The following ASIC2 variants were observed in gnomAD, a reference collection of about 807,000 sequenced individuals.
The protein encoded by ASIC2 is acid-sensing ion channel 2.
ASIC2 carries 25 observed loss-of-function variants against 57.3 expected under a neutral mutation model. The observed-to-expected ratio is 0.44, with a 90% CI of 0.32 to 0.61. The LOEUF (loss-of-function observed/expected upper bound fraction) is 0.61, where lower values mean the gene tolerates loss of function less well. Ranked by LOEUF, ASIC2 falls within the 20% of genes least tolerant of loss-of-function variation. The pLI is 0.06. For missense variants in ASIC2, 641 were observed against 738.1 expected (o/e 0.87, Z 1.52); for synonymous variants, 319 against 307.5 (o/e 1.04, Z -0.39).
intron 1 of ASIC2, among the ~76,000 whole-genome samples, chr17:33,836,116 CTT>C (rs747425378): frequency 3.4e-5 from 4 of 116,362 alleles, no homozygotes; most frequent in Admixed American, 1.0e-4. Flanking sequence ...CCTCATACAG[CTT>C]TTTTTTTTTT....
intron 1 of ASIC2, among the ~76,000 whole-genome samples, chr17:33,903,627 T>C (rs1915277459): frequency 6.6e-6 from 1 of 152,234 alleles, no homozygotes; most frequent in African/African-American, 2.4e-5. Flanking sequence ...GCTATTAAAA[T>C]TCTGTGCAAC....
intron 3 of ASIC2, among the ~76,000 whole-genome samples, chr17:33,070,655 G>A (rs1357253097): frequency 6.6e-6 from 1 of 152,066 alleles, no homozygotes; most frequent in Non-Finnish European, 1.5e-5. Flanking sequence ...TACTTTGAAT[G>A]ACAAAAACCA....
chr17:33,057,884 G>A (rs1210020435), intron 3 of ASIC2, among the ~76,000 whole-genome samples: 1 of 152,188 alleles, frequency 6.6e-6, no homozygotes, highest in Non-Finnish European at 1.5e-5. Context: ...GGCATTAGAG[G>A]TGGGGCATTT....
intron 1 of ASIC2, among the ~76,000 whole-genome samples, chr17:33,381,869 T>C (rs760175690): frequency 6.6e-6 from 1 of 152,190 alleles, no homozygotes; most frequent in Non-Finnish European, 1.5e-5. Context: ...AAATATAAAC[T>C]GTACTTTGTT....
rs189890594 is a variant in ASIC2, at chr17:34,143,071, C to G, written c.555+12907G>C. On this transcript the variant is annotated intron_variant, in intron 1 of 9. Transcript: ENST00000359872. ...GAAGAATTAGTGCAGACTGGCAGAGCTGGAAGGTTAGGAGTATCGTAATTA... is the reference window on the plus strand; with the variant it reads ...GAAGAATTAGTGCAGACTGGCAGAGGTGGAAGGTTAGGAGTATCGTAATTA... 3.3e-5 allele frequency: 5 copies of G among 152,292 alleles called. 1 individual carries two copies. The East Asian group carries it at 9.7e-4, about 29-fold the overall frequency. The allele number at this position is 152,292 out of a possible 1,614,324, so 9.4% of individuals were successfully genotyped here.
intron 3 of ASIC2, among the ~76,000 whole-genome samples, chr17:33,030,858 C>T (rs1307509387): frequency 6.6e-6 from 1 of 152,132 alleles, no homozygotes; most frequent in Non-Finnish European, 1.5e-5. Flanking sequence ...CTGGGATAAA[C>T]TCCACTTAGT....
At chr17:33,133,818 G>A (rs2092357428) in intron 1 of ASIC2, among the ~76,000 whole-genome samples, 2 of 152,178 alleles carry the variant, frequency 1.3e-5, no homozygotes, top group South Asian at 4.2e-4. Context: ...GCTGAATGGA[G>A]GTTAAAAGTA....
At chr17:33,586,791 C>G (rs563647300) in intron 1 of ASIC2, among the ~76,000 whole-genome samples, 1 of 152,310 alleles carries the variant, frequency 6.6e-6, no homozygotes, top group South Asian at 2.1e-4. Context: ...TCAAAATTAT[C>G]CATCACATCA....
intron 3 of ASIC2, among the ~76,000 whole-genome samples, chr17:33,078,335 C>G (rs768764565): frequency 2.0e-5 from 3 of 152,222 alleles, no homozygotes; most frequent in Non-Finnish European, 4.4e-5. Context: ...GCTGCCATGT[C>G]AGCACCATTT....
chr17:33,660,689 T>C (rs1366741564), intron 1 of ASIC2, among the ~76,000 whole-genome samples: 1 of 152,232 alleles, frequency 6.6e-6, no homozygotes, highest in African/African-American at 2.4e-5. Flanking sequence ...ACCAGCATCG[T>C]CACAAACATG....
chr17:33,418,434 G>T (rs575012119), intron 1 of ASIC2, among the ~76,000 whole-genome samples: 1 of 152,264 alleles, frequency 6.6e-6, no homozygotes, highest in Non-Finnish European at 1.5e-5. Context: ...TAGTCGTGAA[G>T]TCTTTGCCCA....
At chr17:33,823,906 A>G (rs1174604093) in intron 1 of ASIC2, among the ~76,000 whole-genome samples, 2 of 152,144 alleles carry the variant, frequency 1.3e-5, no homozygotes, top group African/African-American at 2.4e-5. Context: ...TGATAGTTAT[A>G]TTCTATGGAT....
chr17:33,782,227 C>T (rs1911475718), intron 1 of ASIC2, among the ~76,000 whole-genome samples: 1 of 152,122 alleles, frequency 6.6e-6, no homozygotes, highest in Admixed American at 6.5e-5. Context: ...AAAACTCTGC[C>T]TAGCCCTCAG....
intron 1 of ASIC2, among the ~76,000 whole-genome samples, chr17:33,644,201 AT>A (rs1906672104): frequency 6.6e-6 from 1 of 152,076 alleles, no homozygotes; most frequent in Non-Finnish European, 1.5e-5. Context: ...TTAATCTTAT[AT>A]TTTATGTGTT....
At chr17:33,172,156 T>G (rs1905546589) in intron 1 of ASIC2, among the ~76,000 whole-genome samples, 1 of 152,262 alleles carries the variant, frequency 6.6e-6, no homozygotes, top group Non-Finnish European at 1.5e-5. Flanking sequence ...TAGTACTTGC[T>G]GCATGAAACT....
intron 1 of ASIC2, among the ~76,000 whole-genome samples, chr17:33,931,572 G>A (rs1405544170): frequency 6.6e-6 from 1 of 152,166 alleles, no homozygotes; most frequent in Non-Finnish European, 1.5e-5. Flanking sequence ...TGCAAAGGAG[G>A]GCTGGTATCC....
chr17:33,155,687 G>A (rs1430733232), intron 1 of ASIC2, among the ~76,000 whole-genome samples: 1 of 151,508 alleles, frequency 6.6e-6, no homozygotes, highest in Non-Finnish European at 1.5e-5. Flanking sequence ...AGCCTCTCGA[G>A]TAGCTGGGAT....
At chr17:33,241,527 G>T (rs1326614585) in intron 1 of ASIC2, among the ~76,000 whole-genome samples, 2 of 152,340 alleles carry the variant, frequency 1.3e-5, no homozygotes, top group East Asian at 3.9e-4. Context: ...TTTCCTCATA[G>T]ATACAAACCA....
intron 1 of ASIC2, among the ~76,000 whole-genome samples, chr17:33,835,969 T>C (rs1215271905): frequency 6.6e-6 from 1 of 150,986 alleles, no homozygotes; most frequent in East Asian, 1.9e-4. Context: ...AATTATATAT[T>C]ATATAATTAT....
Sources: allele counts gnomAD v4.1 joint callset (sites outside exome capture counted in the v4.1 genomes callset), GRCh38; gene constraint gnomAD v4.1.1; transcripts MANE v1.5; gene names NCBI Gene and HGNC (gene_info 2026-07-23, HGNC 2026-07-21).